The following EPHA5 variants were observed in gnomAD, a reference collection of about 807,000 sequenced individuals.
The protein encoded by EPHA5 is ephrin type-A receptor 5.
EPHA5 carries 60 observed loss-of-function variants against 105.0 expected under a neutral mutation model. The ratio of observed to expected loss-of-function variants is 0.57; its 90% CI spans 0.46 to 0.71. The LOEUF (loss-of-function observed/expected upper bound fraction) is 0.71. EPHA5 is among the 30% of genes least tolerant of loss of function. The pLI, the probability that EPHA5 is intolerant of heterozygous loss-of-function variation, is 0.00. For synonymous variants in EPHA5, 513 were observed against 449.1 expected (o/e 1.14, Z -1.80); for missense variants, 1,218 against 1,274.7 (o/e 0.96, Z 0.68).
At chr4:65,371,445 T>G (rs1718461618) in intron 8 of EPHA5, among the ~76,000 whole-genome samples, 1 of 152,132 alleles carries the variant, frequency 6.6e-6, no homozygotes, top group Admixed American at 6.6e-5. Flanking sequence ...AATACATTTC[T>G]GATACTATTA....
chr4:65,360,259 A>G (rs756078433), intron 11 of EPHA5, among the ~76,000 whole-genome samples: 18 of 151,734 alleles, frequency 1.2e-4, no homozygotes, highest in Non-Finnish European at 1.9e-4. Flanking sequence ...GGTAAACTCT[A>G]TAAAGGCAGA....
intron 8 of EPHA5, among the ~76,000 whole-genome samples, chr4:65,377,887 T>C (rs1331542673): frequency 6.6e-6 from 1 of 151,992 alleles, no homozygotes; most frequent in African/African-American, 2.4e-5. Flanking sequence ...TATGTATTTT[T>C]TAAATGAGTA....
At chr4:65,508,575 T>C (rs1457527409) in intron 3 of EPHA5, among the ~76,000 whole-genome samples, 2 of 152,122 alleles carry the variant, frequency 1.3e-5, no homozygotes, top group East Asian at 3.8e-4. Flanking sequence ...TATGTGCTAT[T>C]TTGGAATAAA....
chr4:65,457,068 G>A (rs1464049921), intron 5 of EPHA5, among the ~76,000 whole-genome samples: 3 of 150,730 alleles, frequency 2.0e-5, no homozygotes, highest in Admixed American at 1.3e-4. Flanking sequence ...TTAAAAGCAG[G>A]AAAAAAAAAT....
chr4:65,657,299 T>C (rs1749162906), intron 1 of EPHA5, among the ~76,000 whole-genome samples: 1 of 152,132 alleles, frequency 6.6e-6, no homozygotes, highest in African/African-American at 2.4e-5. Context: ...GGAGGTAAAA[T>C]TAAGACATGC....
intron 8 of EPHA5, among the ~76,000 whole-genome samples, chr4:65,403,817 A>G (rs1429376356): frequency 2.6e-5 from 4 of 152,110 alleles, no homozygotes; most frequent in African/African-American, 9.7e-5. Flanking sequence ...TCAAATCAGT[A>G]TATATCATGA....
At chr4:65,485,038 T>C (rs1003888990) in intron 5 of EPHA5, among the ~76,000 whole-genome samples, 6 of 151,732 alleles carry the variant, frequency 4.0e-5, no homozygotes, top group Admixed American at 2.6e-4. Flanking sequence ...ATGTATTATA[T>C]ATGAAATACT....
intron 8 of EPHA5, among the ~76,000 whole-genome samples, chr4:65,390,262 A>G (rs1265769317): frequency 6.6e-6 from 1 of 151,950 alleles, no homozygotes; most frequent in African/African-American, 2.4e-5. Context: ...AGGAGGCAAT[A>G]TTCCCCTGCC....
intron 3 of EPHA5, among the ~76,000 whole-genome samples, chr4:65,598,003 C>T (rs181108680): frequency 4.0e-4 from 61 of 152,298 alleles, no homozygotes; most frequent in Admixed American, 3.9e-3. Flanking sequence ...ACTCAGTCAC[C>T]TGCCAGCACA....
chr4:65,423,444 T>G (rs1724123527), intron 5 of EPHA5, among the ~76,000 whole-genome samples: 1 of 152,078 alleles, frequency 6.6e-6, no homozygotes, highest in African/African-American at 2.4e-5. Flanking sequence ...TGGTGGAATA[T>G]CTACTTAAAT....
intron 3 of EPHA5, among the ~76,000 whole-genome samples, chr4:65,563,870 T>C (rs915609968): frequency 6.6e-6 from 1 of 151,976 alleles, no homozygotes; most frequent in Admixed American, 6.6e-5. Flanking sequence ...ATAGTATGTG[T>C]TCAGAAATCT....
At chr4:65,638,992 A>G (rs1442370793) in intron 2 of EPHA5, among the ~76,000 whole-genome samples, 1 of 152,266 alleles carries the variant, frequency 6.6e-6, no homozygotes, top group African/African-American at 2.4e-5. Flanking sequence ...AGCCATATCT[A>G]TGAAAGCATA....
At chr4:65,420,039 C>CTT (rs1042603271) in intron 6 of EPHA5, among the ~76,000 whole-genome samples, 1 of 152,058 alleles carries the variant, frequency 6.6e-6, no homozygotes, top group Non-Finnish European at 1.5e-5. Context: ...TGTGTCTCAT[C>CTT]TTTTTTCTTA....
intron 1 of EPHA5, among the ~76,000 whole-genome samples, chr4:65,646,093 T>C (rs1427680619): frequency 6.6e-6 from 1 of 152,152 alleles, no homozygotes; most frequent in Non-Finnish European, 1.5e-5. Flanking sequence ...ATATCTTTCT[T>C]TTACCTTCTG....
intron 5 of EPHA5, among the ~76,000 whole-genome samples, chr4:65,482,579 C>G (rs1406495795): frequency 1.3e-5 from 2 of 152,086 alleles, no homozygotes; most frequent in African/African-American, 4.8e-5. Flanking sequence ...ACACAGTACT[C>G]TAGCATGCAG....
chr4:65,429,499 T>C (rs753141633), intron 5 of EPHA5, among the ~76,000 whole-genome samples: 32 of 152,042 alleles, frequency 2.1e-4, no homozygotes, highest in Non-Finnish European at 3.5e-4. Flanking sequence ...CAAACTCTAA[T>C]TCAGTTGTTA....
intron 16 of EPHA5, chr4:65,331,137 C>T: frequency 8.7e-6 from 9 of 1,034,002 alleles, no homozygotes; most frequent in Non-Finnish European, 1.1e-5. Flanking sequence ...AATATTTTAA[C>T]CTTTGAATTG....
intron 3 of EPHA5, among the ~76,000 whole-genome samples, chr4:65,516,458 C>A (rs1253089489): frequency 6.6e-6 from 1 of 151,902 alleles, no homozygotes; most frequent in African/African-American, 2.4e-5. Context: ...TGTTGCCTGG[C>A]TATTTTAGGA....
chr4:65,581,504 G>T (rs1741623185), intron 3 of EPHA5, among the ~76,000 whole-genome samples: 1 of 151,694 alleles, frequency 6.6e-6, no homozygotes, highest in Admixed American at 6.6e-5. Flanking sequence ...TCTGGCAGAG[G>T]TGGTATTTGA....
Sources: allele counts gnomAD v4.1 joint callset (sites outside exome capture counted in the v4.1 genomes callset), GRCh38; gene constraint gnomAD v4.1.1; transcripts MANE v1.5; gene names NCBI Gene and HGNC (gene_info 2026-07-23, HGNC 2026-07-21).